Variants in TBC1D9 observed in about 807,000 individuals in gnomAD.
TBC1D9 encodes the protein TBC1 domain family member 9, also known as TBC1 domain family member 9A.
A neutral mutation model predicts 132.0 loss-of-function variants in TBC1D9; 63 were observed. The observed-to-expected ratio is 0.48, with a 90% CI of 0.39 to 0.59. The LOEUF (loss-of-function observed/expected upper bound fraction) is 0.59. Among genes scored for constraint, TBC1D9 ranks in the 20% least tolerant of loss-of-function variants. The pLI is 0.00. For missense variants in TBC1D9, 1,261 were observed against 1,592.7 expected (o/e 0.79, Z 3.54); for synonymous variants, 610 against 609.9 (o/e 1.00, Z 0.00).
At position 140,622,575 on chromosome 4, in the gene TBC1D9, G is replaced by C. The variant is rs1159096769; in HGVS notation, c.3421C>G (p.Arg1141Gly). 1.9e-6 allele frequency: 3 copies of C among 1,614,014 alleles called. No individual in the cohort carries two copies. The highest frequency in any genetic ancestry group is 2.5e-6 in the Non-Finnish European group (3 of 1,179,888). Residue 1141 changes from arginine to glycine, a missense_variant, in exon 21 of 21, where the codon CGG (arginine) becomes GGG (glycine). Around this residue, in one of 3 missense-constraint regions of TBC1D9, gnomAD observed 618 missense variants for 724.4 expected, o/e 0.85. Transcript: ENST00000442267. ...EDIKLEDSSP[R>G]DNGACSSMLI... ...ATGGAGGAGCAGGCCCCGTTGTCCC[G>C]GGGCGAGGAGTCCTCCAGCTTGATG...
chr4:140,755,216 T>C (rs1224037041), intron 1 of TBC1D9, among the ~76,000 whole-genome samples: 1 of 152,228 alleles, frequency 6.6e-6, no homozygotes, highest in Non-Finnish European at 1.5e-5. Flanking sequence ...CTGACTGATC[T>C]TATTATCCTG....
intron 16 of TBC1D9, among the ~76,000 whole-genome samples, chr4:140,631,601 CTTT>C (rs5862493): frequency 7.1e-6 from 1 of 140,612 alleles, no homozygotes; most frequent in African/African-American, 2.6e-5. Context: ...TTTAGTTTTT[CTTT>C]TTTTTTTTTT....
At chr4:140,687,367 T>TC (rs1737802466) in intron 2 of TBC1D9, among the ~76,000 whole-genome samples, 2 of 80,842 alleles carry the variant, frequency 2.5e-5, no homozygotes, top group East Asian at 3.9e-4. Context: ...TATATATATA[T>TC]ATATATATAT....
intron 1 of TBC1D9, among the ~76,000 whole-genome samples, chr4:140,729,385 C>A (rs902795770): frequency 6.6e-6 from 1 of 152,252 alleles, no homozygotes; most frequent in Non-Finnish European, 1.5e-5. Context: ...AGATTGCACT[C>A]AAACACATTC....
intron 2 of TBC1D9, among the ~76,000 whole-genome samples, chr4:140,692,031 T>C (rs2111031123): frequency 1.3e-5 from 2 of 152,314 alleles, no homozygotes; most frequent in Admixed American, 1.3e-4. Flanking sequence ...TAATAAATTT[T>C]TTTCTTCCTA....
chr4:140,632,000 C>T (rs1032982518), intron 16 of TBC1D9, among the ~76,000 whole-genome samples: 16 of 152,162 alleles, frequency 1.1e-4, no homozygotes, highest in African/African-American at 3.6e-4. Flanking sequence ...AGCTCTGCAA[C>T]CACATCTGAG....
At chr4:140,747,200 A>T (rs1312549117) in intron 1 of TBC1D9, among the ~76,000 whole-genome samples, 1 of 151,876 alleles carries the variant, frequency 6.6e-6, no homozygotes, top group Non-Finnish European at 1.5e-5. Flanking sequence ...AAATACAAAA[A>T]AATTAGCCAG....
intron 3 of TBC1D9, among the ~76,000 whole-genome samples, chr4:140,683,708 CTATTA>C (rs1194652386): frequency 6.6e-6 from 1 of 152,236 alleles, no homozygotes; most frequent in Non-Finnish European, 1.5e-5. Flanking sequence ...TAACTTCTAC[CTATTA>C]TATTTGAAAA....
intron 1 of TBC1D9, among the ~76,000 whole-genome samples, chr4:140,739,381 A>T (rs547510892): frequency 3.9e-5 from 6 of 152,284 alleles, no homozygotes; most frequent in South Asian, 4.1e-4. Context: ...TCCTTTTGTA[A>T]AAATAATATC....
intron 1 of TBC1D9, among the ~76,000 whole-genome samples, chr4:140,732,763 T>C (rs1355628137): frequency 6.6e-6 from 1 of 152,186 alleles, no homozygotes; most frequent in Non-Finnish European, 1.5e-5. Context: ...GGGTTTTTTT[T>C]GGTGGAAAGG....
chr4:140,692,420 T>C (rs114302951), intron 2 of TBC1D9, among the ~76,000 whole-genome samples: 121 of 152,296 alleles, frequency 7.9e-4, no homozygotes, highest in African/African-American at 2.9e-3. Flanking sequence ...GAAGTTTCCA[T>C]ACCAAATGAA....
At chr4:140,649,016 C>T (rs942151790) in intron 13 of TBC1D9, among the ~76,000 whole-genome samples, 9 of 152,142 alleles carry the variant, frequency 5.9e-5, no homozygotes, top group Non-Finnish European at 1.3e-4. Context: ...CCTGTGTTAC[C>T]GGGAAGACAA....
chr4:140,742,848 G>A (rs1386431055), intron 1 of TBC1D9, among the ~76,000 whole-genome samples: 1 of 151,860 alleles, frequency 6.6e-6, no homozygotes, highest in African/African-American at 2.4e-5. Flanking sequence ...AGAGAAAAGA[G>A]AGAAGAAAGA....
chr4:140,683,869 A>G (rs1353360309), intron 3 of TBC1D9, among the ~76,000 whole-genome samples: 2 of 152,270 alleles, frequency 1.3e-5, no homozygotes, highest in Non-Finnish European at 2.9e-5. Context: ...CAAAGGGGGA[A>G]AAACACAGCC....
chr4:140,713,544 T>G (rs1053959754), intron 1 of TBC1D9, among the ~76,000 whole-genome samples: 2 of 151,914 alleles, frequency 1.3e-5, no homozygotes, highest in African/African-American at 4.8e-5. Flanking sequence ...TGAGACAGCC[T>G]GGGCAATAAT....
intron 2 of TBC1D9, among the ~76,000 whole-genome samples, chr4:140,700,431 C>A (rs1283364512): frequency 4.7e-5 from 7 of 149,712 alleles, no homozygotes. Flanking sequence ...GCCTGGGCAA[C>A]AGAGCAAGAC....
intron 15 of TBC1D9, among the ~76,000 whole-genome samples, chr4:140,638,482 T>C (rs1388400257): frequency 4.1e-5 from 6 of 146,030 alleles, no homozygotes; most frequent in African/African-American, 1.5e-4. Flanking sequence ...GCCAACATGG[T>C]GAAACCCCAT....
Position 140,622,154 on chromosome 4 carries a change from T to C in TBC1D9, c.*41A>G. ...AACACAGAAGAACATAAAAAATCCCTCCCCTCCCTCTCCTCCCACTCCCCC... is the reference window on the plus strand; with the variant it reads ...AACACAGAAGAACATAAAAAATCCCCCCCCTCCCTCTCCTCCCACTCCCCC... On this transcript the variant is annotated 3_prime_UTR_variant, in exon 21 of 21. Transcript: ENST00000442267. 1 of 1,514,250 alleles carries C rather than the reference T, an allele frequency of 6.6e-7. No homozygotes were observed. Among genetic ancestry groups the C allele is most frequent in the Non-Finnish European group, 8.9e-7 (1 of 1,129,296 alleles). The allele number at this position is 1,514,250 out of a possible 1,614,324, so 93.8% of individuals were successfully genotyped here.
intron 1 of TBC1D9, among the ~76,000 whole-genome samples, chr4:140,710,700 A>G (rs1015888895): frequency 2.6e-5 from 4 of 152,150 alleles, no homozygotes; most frequent in Non-Finnish European, 5.9e-5. Flanking sequence ...GCATAAAGTG[A>G]GAACAGTTGG....
Sources: allele counts gnomAD v4.1 joint callset (sites outside exome capture counted in the v4.1 genomes callset), GRCh38; gene constraint gnomAD v4.1.1; regional missense constraint gnomAD v4.1.1; transcripts MANE v1.5; gene names NCBI Gene and HGNC (gene_info 2026-07-23, HGNC 2026-07-21).